Variants in PEX5L observed in about 807,000 individuals in gnomAD.
PEX5L encodes PEX5-related protein.
PEX5L carries 30 observed loss-of-function variants against 84.0 expected under a neutral mutation model. The observed-to-expected ratio is 0.36, with a 90% CI of 0.27 to 0.48. The LOEUF is 0.48. Among genes scored for constraint, PEX5L ranks in the 20% least tolerant of loss-of-function variants. The pLI is 0.99. For missense variants in PEX5L, 533 were observed against 754.6 expected (o/e 0.71, Z 3.44); for synonymous variants, 270 against 283.1 (o/e 0.95, Z 0.46).
intron 2 of PEX5L, among the ~76,000 whole-genome samples, chr3:179,925,421 T>C (rs992246106): frequency 6.6e-5 from 10 of 152,166 alleles, no homozygotes; most frequent in African/African-American, 1.9e-4. Flanking sequence ...ACTACACATA[T>C]TTTTATCCTA....
intron 1 of PEX5L, among the ~76,000 whole-genome samples, chr3:179,978,629 A>G (rs1236098034): frequency 6.6e-6 from 1 of 152,180 alleles, no homozygotes; most frequent in East Asian, 1.9e-4. Context: ...ATTTTATCTA[A>G]TTTACTTTTA....
chr3:179,998,009 T>C (rs1311456111), intron 1 of PEX5L, among the ~76,000 whole-genome samples: 1 of 152,232 alleles, frequency 6.6e-6, no homozygotes, highest in Non-Finnish European at 1.5e-5. Flanking sequence ...GATGACATTA[T>C]GCTGATTGGA....
At chr3:179,929,205 A>C (rs1432078509) in intron 2 of PEX5L, among the ~76,000 whole-genome samples, 1 of 151,642 alleles carries the variant, frequency 6.6e-6, no homozygotes, top group African/African-American at 2.4e-5. Context: ...CTAGCCTCCC[A>C]AACAGTTAAA....
At chr3:180,014,786 AGG>A (rs1789800523) in intron 1 of PEX5L, among the ~76,000 whole-genome samples, 1 of 151,372 alleles carries the variant, frequency 6.6e-6, no homozygotes, top group Admixed American at 6.6e-5. Flanking sequence ...TTTCTAGCAG[AGG>A]AACAAAGAAA....
intron 1 of PEX5L, among the ~76,000 whole-genome samples, chr3:180,011,264 A>T (rs1789454602): frequency 6.6e-6 from 1 of 152,246 alleles, no homozygotes. Context: ...CCAAGGTTGG[A>T]TTAGAAGTTC....
intron 1 of PEX5L, among the ~76,000 whole-genome samples, chr3:179,987,139 A>T (rs962515412): frequency 6.6e-5 from 10 of 152,322 alleles, no homozygotes; most frequent in African/African-American, 2.4e-4. Context: ...TTAAGAAAAA[A>T]AAATTAATTA....
At chr3:179,964,827 T>C (rs774393768) in intron 2 of PEX5L, among the ~76,000 whole-genome samples, 7 of 152,246 alleles carry the variant, frequency 4.6e-5, no homozygotes, top group Non-Finnish European at 7.3e-5. Flanking sequence ...ACCTGCCATT[T>C]ATAAAGCACT....
intron 2 of PEX5L, among the ~76,000 whole-genome samples, chr3:179,907,945 T>A (rs1049302328): frequency 6.6e-6 from 1 of 152,162 alleles, no homozygotes; most frequent in Non-Finnish European, 1.5e-5. Flanking sequence ...GTTTTGTTGA[T>A]ATAACTTAAG....
At chr3:179,977,967 T>C (rs1785970277) in intron 1 of PEX5L, among the ~76,000 whole-genome samples, 1 of 152,148 alleles carries the variant, frequency 6.6e-6, no homozygotes, top group Admixed American at 6.6e-5. Context: ...ACAAAACATA[T>C]GGCAATCAGA....
intron 3 of PEX5L, among the ~76,000 whole-genome samples, chr3:179,891,954 T>C (rs1757757775): frequency 6.6e-6 from 1 of 152,190 alleles, no homozygotes; most frequent in South Asian, 2.1e-4. Flanking sequence ...CCTTATGCAT[T>C]AGTAGGATAA....
At chr3:179,830,534 T>G (rs1042942395) in intron 8 of PEX5L, among the ~76,000 whole-genome samples, 1 of 152,152 alleles carries the variant, frequency 6.6e-6, no homozygotes, top group Non-Finnish European at 1.5e-5. Context: ...TGTGTTACCT[T>G]GAGCTAATAT....
chr3:179,833,360 G>C (rs1025034676), intron 8 of PEX5L, among the ~76,000 whole-genome samples: 1 of 152,188 alleles, frequency 6.6e-6, no homozygotes, highest in Non-Finnish European at 1.5e-5. Context: ...TCAATAGCTA[G>C]TTAATAACAT....
chr3:179,985,355 A>AT (rs1786717331), intron 1 of PEX5L, among the ~76,000 whole-genome samples: 1 of 152,244 alleles, frequency 6.6e-6, no homozygotes, highest in Non-Finnish European at 1.5e-5. Context: ...AGAATGGCAT[A>AT]TGCAAAAGCT....
At chr3:179,948,781 G>A (rs981527745) in intron 2 of PEX5L, among the ~76,000 whole-genome samples, 1 of 152,206 alleles carries the variant, frequency 6.6e-6, no homozygotes, top group Admixed American at 6.5e-5. Flanking sequence ...TGCGGAAGCA[G>A]TCGACTTGTT....
intron 2 of PEX5L, among the ~76,000 whole-genome samples, chr3:179,957,665 T>C (rs1315117607): frequency 6.6e-6 from 1 of 152,228 alleles, no homozygotes; most frequent in African/African-American, 2.4e-5. Context: ...CAACAAATAC[T>C]GAAGTGACAG....
At chr3:179,901,442 A>G (rs1431590278) in intron 2 of PEX5L, among the ~76,000 whole-genome samples, 1 of 152,270 alleles carries the variant, frequency 6.6e-6, no homozygotes, top group Non-Finnish European at 1.5e-5. Context: ...TCAAGCATAT[A>G]AGCAGTTTAT....
chr3:179,949,511 T>G (rs1471608922), intron 2 of PEX5L, among the ~76,000 whole-genome samples: 1 of 152,206 alleles, frequency 6.6e-6, no homozygotes, highest in Non-Finnish European at 1.5e-5. Flanking sequence ...CCCTTTAATT[T>G]AGAACCCATT....
Position 179,819,916 on chromosome 3 carries a change from A to G in PEX5L, c.883T>C (p.Trp295Arg). The G allele has an allele frequency of 6.2e-7, 1 of 1,614,022 alleles. No individual in the cohort carries two copies. Among genetic ancestry groups the G allele is most frequent in the Non-Finnish European group, 8.5e-7 (1 of 1,179,952 alleles). Residue 295 changes from tryptophan (W) to arginine (R), a missense_variant, in exon 9 of 15, where the codon TGG (tryptophan) becomes CGG (arginine). This residue lies in a region of PEX5L where 58 missense variants were observed against 56.4 expected (regional missense o/e 1.03). Coordinates refer to ENST00000467460, the MANE Select transcript of PEX5L (RefSeq NM_016559.3). ...AEWEEMARRN[W>R]ISENQEAQNQ... ...TGGGCTTCTTGGTTCTCAGATATCC[A>G]GTTCCTCCGAGCCATTTCTTCCCAT... is the stretch of plus-strand genomic sequence containing the variant.
At chr3:179,948,001 T>C (rs1471419411) in intron 2 of PEX5L, among the ~76,000 whole-genome samples, 1 of 152,080 alleles carries the variant, frequency 6.6e-6, no homozygotes, top group African/African-American at 2.4e-5. Flanking sequence ...CTACCGTGCC[T>C]GGCCAAAAAA....
Sources: allele counts gnomAD v4.1 joint callset (sites outside exome capture counted in the v4.1 genomes callset), GRCh38; gene constraint gnomAD v4.1.1; regional missense constraint gnomAD v4.1.1; transcripts MANE v1.5; gene names NCBI Gene and HGNC (gene_info 2026-07-23, HGNC 2026-07-21).